Variants in IQCF1 observed in about 807,000 individuals in gnomAD.
The protein encoded by IQCF1 is IQ domain-containing protein F1.
In IQCF1, 9 loss-of-function variants were observed where a neutral mutation model predicts 12.5. The ratio of observed to expected loss-of-function variants is 0.72; its 90% confidence interval spans 0.43 to 1.26. The LOEUF (loss-of-function observed/expected upper bound fraction) is 1.26. IQCF1 is among the 50% of genes most tolerant of loss of function. IQCF1 has a pLI of 0.00. For synonymous variants in IQCF1, 67 were observed against 96.2 expected, an observed-to-expected ratio of 0.70 and a Z score of 1.78; for missense variants, 252 against 257.4, an observed-to-expected ratio of 0.98 and a Z score of 0.14.
intron 2 of IQCF1, among the ~76,000 whole-genome samples, chr3:51,897,498 G>A (rs1699022634): frequency 1.3e-5 from 2 of 152,362 alleles, no homozygotes; most frequent in African/African-American, 4.8e-5. Flanking sequence ...TCCAACGTGA[G>A]GAGGCATGCC....
chr3:51,899,536 T>TA (rs1553712957), intron 2 of IQCF1, among the ~76,000 whole-genome samples: 2 of 152,232 alleles, frequency 1.3e-5, no homozygotes, highest in African/African-American at 4.8e-5. Context: ...ATTAAAAGGT[T>TA]AAAAATTTTT....
At chr3:51,896,754 C>T (rs1699008920) in intron 3 of IQCF1, 78 bp downstream of exon 3, 1 of 1,095,998 alleles carries the variant, frequency 9.1e-7, no homozygotes, top group Non-Finnish European at 1.4e-6. Context: ...CCCAGCTTCC[C>T]ATATCATGGT....
At position 51,896,885 on chromosome 3, in the gene IQCF1, G is replaced by C. The variant is rs1203614923; in HGVS notation, c.118C>G (p.Pro40Ala). 6.2e-7 allele frequency: 1 copy of C among 1,613,192 alleles called. No individual in the cohort carries two copies. Among genetic ancestry groups the C allele is most frequent in the Admixed American group, 1.7e-5 (1 of 60,020 alleles). ...GAESKAEAKT[P>A]VLVETQTVDN... ...ACTGTCTGTGTCTCAACCAGAACTG[G>C]AGTTTTAGCCTGAAAAGGAAATGGG... The change falls in exon 3 of 4, where the codon CCA becomes GCA. Residue 40 changes from proline to alanine, a missense_variant. Physicochemically the swap from Pro to Ala is conservative, Grantham distance 27 (BLOSUM62 -1). Transcript: ENST00000310914.
At position 51,896,851 on chromosome 3, in the gene IQCF1, G is replaced by T; in HGVS notation, c.152C>A (p.Ala51Asp). 6.2e-7 allele frequency: 1 copy of T among 1,612,914 alleles called. No individual in the cohort carries two copies. The highest frequency in any genetic ancestry group is 8.5e-7 in the Non-Finnish European group (1 of 1,179,082). ...TCATACTTTTTCTGATTTCTCATTGGCATTGTCCACTGTCTGTGTCTCAAC... is the reference window on the plus strand; with the variant it reads ...TCATACTTTTTCTGATTTCTCATTGTCATTGTCCACTGTCTGTGTCTCAAC... Reference protein sequence around the residue: ...VLVETQTVDNANEKSEKPPEN... With the variant: ...VLVETQTVDNDNEKSEKPPEN... The change falls in exon 3 of 4, where the codon GCC (alanine) becomes GAC (aspartate). Residue 51 changes from alanine to aspartate, a missense_variant. Ala to Asp is a moderately radical substitution (Grantham distance 126). Coordinates refer to ENST00000310914, the MANE Select transcript of IQCF1 (RefSeq NM_152397.3).
chr3:51,900,389 C>T lies in IQCF1; in HGVS notation c.108+2596G>A, dbSNP rs920795377. ...ATTCTATTACTCTTTCTTCTTTCCT[C>T]GCTCTATTGCTGACCATCTAGTTAT... On this transcript the variant is annotated intron_variant, in intron 2 of 3. Coordinates refer to ENST00000310914, the MANE Select transcript of IQCF1 (RefSeq NM_152397.3). This position sits in a 1 kb window ranked among gnomAD's most constrained non-coding sequence, Gnocchi z 4.2. 6.6e-5 allele frequency among the ~76,000 whole-genome samples: 10 copies of T among 152,210 alleles called. No homozygotes were observed. Among genetic ancestry groups the T allele is most frequent in the Non-Finnish European group, 7.3e-5 (5 of 68,044 alleles).
intron 3 of IQCF1, 137 bp downstream of exon 3, chr3:51,896,695 G>GCACACA: frequency 5.3e-6 from 3 of 561,318 alleles, no homozygotes; most frequent in South Asian, 4.4e-5. Flanking sequence ...AAACACGCGC[G>GCACACA]CACACACACA....
At chr3:51,902,915 C>T in intron 2 of IQCF1, 70 bp downstream of exon 2, 1 of 1,131,304 alleles carries the variant, frequency 8.8e-7, no homozygotes. Flanking sequence ...ATAACAGCAC[C>T]ATGCAAAAGA....
chr3:51,899,820 T>C (rs1699054556), intron 2 of IQCF1, among the ~76,000 whole-genome samples: 1 of 152,204 alleles, frequency 6.6e-6, no homozygotes, highest in Non-Finnish European at 1.5e-5. Flanking sequence ...AAGTTTAACA[T>C]TAATAACACA....
intron 2 of IQCF1, among the ~76,000 whole-genome samples, chr3:51,898,200 CAGAG>C (rs1368898657): frequency 6.6e-6 from 1 of 151,442 alleles, no homozygotes; most frequent in Non-Finnish European, 1.5e-5. Flanking sequence ...GAGAGGAAGT[CAGAG>C]AGAAACACAG....
rs1168346131 is a variant in IQCF1, at chr3:51,903,275, G to A, written c.-3C>T. On this transcript the variant is annotated 5_prime_UTR_variant, in exon 1 of 4. Transcript: ENST00000310914. The stretch of plus-strand genomic sequence containing the variant: ...TGTGTCTGGCTTTCTCTTACCATTG[G>A]TCACATATGGATTGATTGTAGATGG... 3 of 1,613,938 alleles carry A rather than the reference G, an allele frequency of 1.9e-6. No individual in the cohort carries two copies. Among genetic ancestry groups the A allele is most frequent in the Middle Eastern group, 1.6e-4 (1 of 6,062 alleles).
rs530198250 is a variant in IQCF1 at position 51,895,093 on chromosome 3, G to A, written c.415C>T (p.Arg139Cys). The A allele has an allele frequency of 8.4e-5, 135 of 1,614,214 alleles. 2 individuals are homozygous for A. The East Asian group carries it at 2.7e-3, about 32-fold the overall frequency. The change falls in exon 4 of 4, where the codon CGC (arginine) becomes TGC (cysteine). Residue 139 changes from arginine to cysteine, a missense_variant. Transcript: ENST00000310914. The surrounding 1 kb of genome is among the most constrained non-coding windows in gnomAD (Gnocchi z 4.8). The stretch of plus-strand genomic sequence containing the variant: ...ACCTGGCAATAGCGTCTGCGGATGC[G>A]CCACATGCGGGCCTGGGACTGCAGT... Reference protein sequence around the residue: ...VTLQSQARMWRIRRRYCQVLN... With the variant: ...VTLQSQARMWCIRRRYCQVLN...
Position 51,895,014 on chromosome 3 carries a change from G to A in IQCF1, c.494C>T (p.Ser165Phe), listed in dbSNP as rs1405498397. ...GTACTGGCCCTTGATGAACCCCCGG[G>A]AAGCACAGGAGCGGCACCTCCAGTA... ...QAYWRCRSCASRGFIKGQYRV... is the reference protein window; with the variant it reads ...QAYWRCRSCAFRGFIKGQYRV... The change falls in exon 4 of 4, where the codon TCC becomes TTC. Residue 165 changes from serine (S) to phenylalanine (F), a missense_variant. Physicochemically the swap from Ser to Phe is radical, Grantham distance 155. Coordinates refer to ENST00000310914, the MANE Select transcript of IQCF1 (RefSeq NM_152397.3). The surrounding 1 kb of genome is among the most constrained non-coding windows in gnomAD (Gnocchi z 4.8). 1 of 1,614,220 alleles carries A rather than the reference G, an allele frequency of 6.2e-7. No homozygotes were observed. Among genetic ancestry groups the A allele is most frequent in the Admixed American group, 1.7e-5 (1 of 60,034 alleles).
chr3:51,896,178 C>CA (rs1699000564), intron 3 of IQCF1, among the ~76,000 whole-genome samples: 2 of 152,122 alleles, frequency 1.3e-5, no homozygotes, highest in African/African-American at 4.8e-5. Flanking sequence ...TACAAGACTT[C>CA]AAAAGAACTT....
Position 51,896,716 on chromosome 3 carries a change from C to A in IQCF1, c.171+116G>T, listed in dbSNP as rs1699008335. 8.9e-6 allele frequency: 7 copies of A among 788,226 alleles called. No individual in the cohort carries two copies. In the South Asian group the frequency reaches 9.9e-5, roughly 11 times the overall value. The allele number at this position is 788,226 out of a possible 1,614,324, so 48.8% of individuals were successfully genotyped here. On this transcript the variant is annotated intron_variant, in intron 3 of 3. Transcript: ENST00000310914. ...GCGCGCACACACACACACACACGCA[C>A]ACACACACACACATACTTCTAACTG...
chr3:51,895,285 T>C lies in IQCF1; in HGVS notation c.223A>G (p.Ile75Val), dbSNP rs1698989937. Residue 75 changes from isoleucine (I) to valine (V), a missense_variant, in exon 4 of 4, where the codon ATC (isoleucine) becomes GTC (valine). Physicochemically the swap from Ile to Val is conservative, Grantham distance 29 (BLOSUM62 3). Coordinates refer to ENST00000310914, the MANE Select transcript of IQCF1 (RefSeq NM_152397.3). The surrounding 1 kb of genome is among the most constrained non-coding windows in gnomAD (Gnocchi z 4.8). Reference protein sequence around the residue: ...LSDKDTVATKIQAWWRGTLVR... With the variant: ...LSDKDTVATKVQAWWRGTLVR... ...AGGGTGCCCCGCCACCAGGCCTGGA[T>C]CTTGGTGGCTACCGTATCTTTGTCA... is the stretch of plus-strand genomic sequence containing the variant. 1 of 1,613,978 alleles carries C rather than the reference T, an allele frequency of 6.2e-7. No individual in the cohort carries two copies. Among genetic ancestry groups the C allele is most frequent in the Non-Finnish European group, 8.5e-7 (1 of 1,179,984 alleles).
At chr3:51,898,435 A>G (rs1699037829) in intron 2 of IQCF1, among the ~76,000 whole-genome samples, 1 of 152,274 alleles carries the variant, frequency 6.6e-6, no homozygotes, top group Non-Finnish European at 1.5e-5. Context: ...GAAAGCACTG[A>G]GGCCACTGAC....
intron 2 of IQCF1, among the ~76,000 whole-genome samples, chr3:51,902,036 G>C (rs541303125): frequency 6.6e-6 from 1 of 152,204 alleles, no homozygotes; most frequent in African/African-American, 2.4e-5. Context: ...TGACTGCCCT[G>C]TCCAATGAGT....
intron 2 of IQCF1, chr3:51,902,747 G>T (rs1389015481): frequency 2.1e-6 from 1 of 478,308 alleles, no homozygotes; most frequent in East Asian, 4.3e-5. Context: ...CGTGCATCAG[G>T]GATAAGAACC....
chr3:51,903,322 G>A lies in IQCF1; in HGVS notation c.-50C>T. The A allele has an allele frequency of 1.9e-6, 3 of 1,608,850 alleles. No individual in the cohort carries two copies. The highest frequency in any genetic ancestry group is 2.6e-6 in the Non-Finnish European group (3 of 1,175,220). On this transcript the variant is annotated 5_prime_UTR_variant, in exon 1 of 4. Transcript: ENST00000310914. The stretch of plus-strand genomic sequence containing the variant: ...ATGGTTCAAATCCCCTCACATCTGT[G>A]TTCATCCAGCCATAGCATAGGCAGG...
Sources: gnomAD v4.1 joint callset for allele counts (sites outside exome capture counted in the v4.1 genomes callset) on GRCh38, gnomAD v4.1.1 for gene constraint, Gnocchi (gnomAD v3.1) non-coding constraint, MANE v1.5 for transcripts, NCBI Gene and HGNC (gene_info 2026-07-23, HGNC 2026-07-21) for gene names.